The following PIK3C2G variants were observed in gnomAD, a reference collection of about 807,000 sequenced individuals.
PIK3C2G encodes the protein phosphatidylinositol-4-phosphate 3-kinase catalytic subunit type 2 gamma.
PIK3C2G carries 168 observed loss-of-function variants against 181.1 expected under a neutral mutation model. That is an observed-to-expected ratio of 0.93 (90% confidence interval 0.82 to 1.05). PIK3C2G has a LOEUF of 1.05. Among genes scored for constraint, PIK3C2G ranks in the 50% least tolerant of loss-of-function variants. PIK3C2G has a pLI of 0.00. For synonymous variants in PIK3C2G, 573 were observed against 592.2 expected (o/e 0.97, Z 0.47); for missense variants, 1,869 against 1,732.8 (o/e 1.08, Z -1.40).
chr12:18,345,357 C>G (rs1292785729), intron 10 of PIK3C2G, among the ~76,000 whole-genome samples: 1 of 151,986 alleles, frequency 6.6e-6, no homozygotes, highest in African/African-American at 2.4e-5. Flanking sequence ...CTCTGCTTGT[C>G]CCCCCCAGAC....
chr12:18,527,059 A>T (rs757385361), intron 24 of PIK3C2G, among the ~76,000 whole-genome samples: 4 of 152,176 alleles, frequency 2.6e-5, no homozygotes, highest in Non-Finnish European at 4.4e-5. Flanking sequence ...ATGAAATAAA[A>T]GAACAAAGGA....
intron 18 of PIK3C2G, among the ~76,000 whole-genome samples, chr12:18,481,001 C>T (rs1434954522): frequency 6.6e-6 from 1 of 152,054 alleles, no homozygotes; most frequent in Non-Finnish European, 1.5e-5. Flanking sequence ...GGCGCAATCT[C>T]GGCTCACTGC....
intron 29 of PIK3C2G, 86 bp from the exon 30 acceptor site, chr12:18,594,408 G>C (rs1947243539): frequency 1.4e-6 from 1 of 715,116 alleles, no homozygotes; most frequent in Non-Finnish European, 2.3e-6. Flanking sequence ...ATTTTAAAAT[G>C]ATATATATGG....
rs1946360717 is a variant in PIK3C2G at position 18,434,842 on chromosome 12, C to T, written c.2504+10803C>T. 2.0e-5 allele frequency among the ~76,000 whole-genome samples: 3 copies of T among 152,074 alleles called. No homozygotes were observed. The South Asian group carries it at 6.2e-4, about 32-fold the overall frequency. ...TTTCTTTTCAAAAACCAAAATTAGTCTTAACAGACAAAAAAAGATTACTAG... is the reference window on the plus strand; with the variant it reads ...TTTCTTTTCAAAAACCAAAATTAGTTTTAACAGACAAAAAAAGATTACTAG... On this transcript the variant is annotated intron_variant, in intron 18 of 32. Coordinates refer to ENST00000538779, the MANE Select transcript of PIK3C2G (RefSeq NM_001288772.2).
chr12:18,644,198 C>T (rs2136825330), intron 32 of PIK3C2G, among the ~76,000 whole-genome samples: 1 of 152,164 alleles, frequency 6.6e-6, no homozygotes, highest in South Asian at 2.1e-4. Flanking sequence ...CTGAAAACCC[C>T]TGTCATGTAC....
chr12:18,723,002 T>C, the PIK3C2G span, among the ~76,000 whole-genome samples: 57 of 152,016 alleles, frequency 3.7e-4, no homozygotes, highest in Non-Finnish European at 6.9e-4. Flanking sequence ...TCTAATAGGG[T>C]ACATGTAATA....
intron 30 of PIK3C2G, among the ~76,000 whole-genome samples, chr12:18,608,411 C>A (rs1814707443): frequency 1.3e-5 from 2 of 152,016 alleles, no homozygotes; most frequent in Non-Finnish European, 1.5e-5. Flanking sequence ...TTTGTAGGGA[C>A]ATGGATGAAG....
chr12:18,400,072 T>C (rs1294755832), intron 16 of PIK3C2G, among the ~76,000 whole-genome samples: 1 of 152,198 alleles, frequency 6.6e-6, no homozygotes, highest in Non-Finnish European at 1.5e-5. Flanking sequence ...ATTGTAGAAG[T>C]TTCTTAAATG....
chr12:18,309,067 C>A (rs1015769727), intron 5 of PIK3C2G, among the ~76,000 whole-genome samples: 7 of 151,568 alleles, frequency 4.6e-5, no homozygotes, highest in Admixed American at 2.6e-4. Flanking sequence ...TTGTGAACAT[C>A]TTTCTTTGAT....
chr12:18,294,856 T>C (rs969160488), intron 5 of PIK3C2G, among the ~76,000 whole-genome samples: 10 of 151,856 alleles, frequency 6.6e-5, no homozygotes, highest in African/African-American at 2.2e-4. Flanking sequence ...AAAAATGTAT[T>C]TCCTTTGAAA....
At chr12:18,439,870 G>A (rs1258443165) in intron 18 of PIK3C2G, among the ~76,000 whole-genome samples, 2 of 151,902 alleles carry the variant, frequency 1.3e-5, no homozygotes, top group Non-Finnish European at 2.9e-5. Context: ...TGAATCACAG[G>A]ATACATTTGT....
intron 18 of PIK3C2G, among the ~76,000 whole-genome samples, chr12:18,458,662 T>C (rs572700229): frequency 2.0e-5 from 3 of 152,088 alleles, no homozygotes; most frequent in African/African-American, 7.2e-5. Flanking sequence ...AACTAATCAC[T>C]AGAGCCCTTG....
At chr12:18,303,118 CTT>C (rs1437130203) in intron 5 of PIK3C2G, among the ~76,000 whole-genome samples, 3 of 106,326 alleles carry the variant, frequency 2.8e-5, no homozygotes, top group Non-Finnish European at 6.3e-5. Flanking sequence ...TTCTTTCCTT[CTT>C]TCTTTCTTTC....
chr12:18,596,130 G>C (rs1464217418), intron 30 of PIK3C2G, among the ~76,000 whole-genome samples: 2 of 152,116 alleles, frequency 1.3e-5, no homozygotes, highest in Admixed American at 1.3e-4. Flanking sequence ...AGGACACCTT[G>C]ATATTCTCTA....
At chr12:18,393,599 TAAC>T (rs1190590356) in intron 15 of PIK3C2G, among the ~76,000 whole-genome samples, 30 of 152,198 alleles carry the variant, frequency 2.0e-4, no homozygotes. Flanking sequence ...ATGAAATATA[TAAC>T]AATATATGTT....
chr12:18,456,389 T>C (rs1278751749), intron 18 of PIK3C2G, among the ~76,000 whole-genome samples: 1 of 151,970 alleles, frequency 6.6e-6, no homozygotes, highest in African/African-American at 2.4e-5. Context: ...AAAAGCTCTC[T>C]CTCCTGCAGA....
chr12:18,707,028 T>C, the PIK3C2G span, among the ~76,000 whole-genome samples: 2 of 152,218 alleles, frequency 1.3e-5, no homozygotes, highest in Admixed American at 1.3e-4. Context: ...CTAATCTCTG[T>C]CCCTGTCTTC....
At chr12:18,421,326 T>C (rs1945476031) in intron 17 of PIK3C2G, among the ~76,000 whole-genome samples, 1 of 151,994 alleles carries the variant, frequency 6.6e-6, no homozygotes, top group Admixed American at 6.6e-5. Flanking sequence ...ATATATAAAA[T>C]GATAAAAATT....
chr12:18,686,404 T>C, the PIK3C2G span, among the ~76,000 whole-genome samples: 1 of 152,062 alleles, frequency 6.6e-6, no homozygotes, highest in African/African-American at 2.4e-5. Flanking sequence ...AATTTTCTCA[T>C]TTTATCTCTC....
Sources: gnomAD v4.1 joint callset for allele counts (sites outside exome capture counted in the v4.1 genomes callset) on GRCh38, gnomAD v4.1.1 for gene constraint, MANE v1.5 for transcripts, NCBI Gene and HGNC (gene_info 2026-07-23, HGNC 2026-07-21) for gene names.